Variants in LRBA observed in about 807,000 individuals in gnomAD.
The protein encoded by LRBA is lipopolysaccharide-responsive and beige-like anchor protein.
In LRBA, 176 loss-of-function variants were observed where a neutral mutation model predicts 330.0. That is an observed-to-expected ratio of 0.53 (90% CI 0.47 to 0.60). The LOEUF is 0.60. Ranked by LOEUF, LRBA falls within the 20% of genes least tolerant of loss-of-function variation. LRBA has a pLI of 0.00. For missense variants in LRBA, 3,259 were observed against 3,444.8 expected (o/e 0.95, Z 1.35); for synonymous variants, 1,230 against 1,193.0 (o/e 1.03, Z -0.64).
At chr4:150,324,316 ATTCT>A (rs1049316955) in intron 49 of LRBA, among the ~76,000 whole-genome samples, 6 of 152,312 alleles carry the variant, frequency 3.9e-5, no homozygotes, top group African/African-American at 1.4e-4. Flanking sequence ...AACATAAATC[ATTCT>A]TACTATTTTT....
rs150704207 is a variant in LRBA at position 150,653,164 on chromosome 4, G to A, written c.5921+30387C>T. 2.9e-3 allele frequency among the ~76,000 whole-genome samples: 439 copies of A among 152,192 alleles called. 3 individuals are homozygous for A. Among genetic ancestry groups the A allele is most frequent in the Non-Finnish European group, 4.2e-3 (286 of 68,006 alleles). On this transcript the variant is annotated intron_variant, in intron 37 of 56. Coordinates refer to ENST00000651943, the MANE Select transcript of LRBA (RefSeq NM_001364905.1). ...TCAAGACCAGCCTCGGCAACATAGC[G>A]AGAACCTGTCTCTACAAAAAATAAA...
At chr4:150,531,244 C>T (rs1414933467) in intron 40 of LRBA, among the ~76,000 whole-genome samples, 3 of 152,086 alleles carry the variant, frequency 2.0e-5, no homozygotes, top group African/African-American at 7.2e-5. Flanking sequence ...AATATTTTGG[C>T]TTATATTTTG....
At chr4:150,676,932 A>ATT (rs1782610337) in intron 37 of LRBA, among the ~76,000 whole-genome samples, 1 of 152,220 alleles carries the variant, frequency 6.6e-6, no homozygotes, top group Non-Finnish European at 1.5e-5. Context: ...TCTATAGTAC[A>ATT]TCTCTTTTCA....
At chr4:150,640,421 A>G (rs1381271793) in intron 37 of LRBA, among the ~76,000 whole-genome samples, 1 of 152,232 alleles carries the variant, frequency 6.6e-6, no homozygotes, top group Non-Finnish European at 1.5e-5. Context: ...TTATGGAACA[A>G]TGAAATGCAT....
intron 37 of LRBA, among the ~76,000 whole-genome samples, chr4:150,609,466 T>A (rs1020236335): frequency 6.6e-6 from 1 of 152,078 alleles, no homozygotes; most frequent in Non-Finnish European, 1.5e-5. Context: ...TACAGGAAAA[T>A]GGAGCCAGAA....
intron 2 of LRBA, among the ~76,000 whole-genome samples, chr4:151,004,395 T>A (rs1743767967): frequency 6.6e-6 from 1 of 152,162 alleles, no homozygotes; most frequent in African/African-American, 2.4e-5. Flanking sequence ...GGCAACTGAC[T>A]AACAGGCAGG....
intron 17 of LRBA, among the ~76,000 whole-genome samples, chr4:150,876,364 C>T (rs1471352584): frequency 1.3e-5 from 2 of 152,026 alleles, no homozygotes; most frequent in African/African-American, 4.8e-5. Flanking sequence ...ATCTAGAGAA[C>T]ATCACAAGAT....
chr4:150,578,131 A>G (rs966094240), intron 40 of LRBA, among the ~76,000 whole-genome samples: 2 of 152,240 alleles, frequency 1.3e-5, no homozygotes, highest in Non-Finnish European at 2.9e-5. Context: ...GTCAATGCTG[A>G]AGGAAAAATA....
At chr4:150,487,667 A>G in intron 42 of LRBA, 65 bp downstream of exon 42, 1 of 828,686 alleles carries the variant, frequency 1.2e-6, no homozygotes, top group South Asian at 1.9e-5. Flanking sequence ...GAATATTAAT[A>G]CTGGTTAATT....
chr4:150,916,554 T>A, intron 6 of LRBA, 27 bp from the exon 7 acceptor site: 3 of 1,608,670 alleles, frequency 1.9e-6, no homozygotes, highest in Non-Finnish European at 2.5e-6. Flanking sequence ...TCATTTTACC[T>A]CTAAATATTC....
intron 52 of LRBA, among the ~76,000 whole-genome samples, chr4:150,304,949 C>G (rs1426876904): frequency 6.6e-6 from 1 of 152,060 alleles, no homozygotes; most frequent in Admixed American, 6.5e-5. Flanking sequence ...GTGATGTGAT[C>G]ATAGAGTATA....
chr4:150,517,565 G>C (rs1303066124), intron 40 of LRBA, among the ~76,000 whole-genome samples: 1 of 151,758 alleles, frequency 6.6e-6, no homozygotes, highest in East Asian at 1.9e-4. Flanking sequence ...TAGATGATGG[G>C]GGCAAGAGGA....
At chr4:150,610,013 G>A (rs1409048423) in intron 37 of LRBA, among the ~76,000 whole-genome samples, 1 of 152,102 alleles carries the variant, frequency 6.6e-6, no homozygotes. Flanking sequence ...CAGGGCTGAA[G>A]AGAAGAAAAA....
chr4:150,872,332 G>C (rs559286864), intron 18 of LRBA, among the ~76,000 whole-genome samples: 1 of 152,232 alleles, frequency 6.6e-6, no homozygotes, highest in African/African-American at 2.4e-5. Context: ...CAAACATCCA[G>C]GTTATGTATT....
chr4:150,821,658 T>C (rs1294610462), intron 30 of LRBA, among the ~76,000 whole-genome samples: 2 of 152,118 alleles, frequency 1.3e-5, no homozygotes, highest in South Asian at 2.1e-4. Flanking sequence ...TTACTTAACA[T>C]GCAAATAGTT....
chr4:150,427,207 T>C lies in LRBA; in HGVS notation c.7041+8382A>G, dbSNP rs377707570. ...ATAAGATCACCAGTCAAAAAACAAA[T>C]CACACTTGACATATGCATGCATTTT... On this transcript the variant is annotated intron_variant, in intron 46 of 56. Coordinates refer to ENST00000651943, the MANE Select transcript of LRBA (RefSeq NM_001364905.1). Among the ~76,000 whole-genome samples, 9 of 151,902 alleles carry C rather than the reference T, an allele frequency of 5.9e-5. 1 individual carries two copies. The highest frequency in any genetic ancestry group is 1.2e-4 in the African/African-American group (5 of 41,404).
intron 36 of LRBA, among the ~76,000 whole-genome samples, chr4:150,693,519 C>G (rs1784332712): frequency 7.8e-6 from 1 of 127,430 alleles, no homozygotes; most frequent in Non-Finnish European, 1.6e-5. Context: ...AGCCGAGATC[C>G]CGCCACTGCA....
chr4:150,509,282 A>T (rs961815277), intron 40 of LRBA, among the ~76,000 whole-genome samples: 1 of 152,108 alleles, frequency 6.6e-6, no homozygotes, highest in African/African-American at 2.4e-5. Context: ...TTGAAAATTA[A>T]ATAGTACACA....
chr4:150,303,617 G>T (rs1272337560), intron 52 of LRBA, among the ~76,000 whole-genome samples: 1 of 151,568 alleles, frequency 6.6e-6, no homozygotes, highest in Non-Finnish European at 1.5e-5. Context: ...TGTCGCCCAG[G>T]CTGGAGTGTA....
Sources: gnomAD v4.1 joint callset for allele counts (sites outside exome capture counted in the v4.1 genomes callset) on GRCh38, gnomAD v4.1.1 for gene constraint, MANE v1.5 for transcripts, NCBI Gene and HGNC (gene_info 2026-07-23, HGNC 2026-07-21) for gene names.